SH3BGRL2: variants seen among roughly 807,000 people sequenced by gnomAD.
SH3BGRL2 encodes SH3 domain-binding glutamic acid-rich-like protein 2.
SH3BGRL2 carries 21 observed loss-of-function variants against 14.8 expected under a neutral mutation model. That is an observed-to-expected ratio of 1.42 (90% CI 1.01 to 2.05). SH3BGRL2 has a LOEUF of 2.05. Ranked by LOEUF, SH3BGRL2 falls within the 30% of genes most tolerant of loss-of-function variation. The pLI, the probability that SH3BGRL2 is intolerant of heterozygous loss-of-function variation, is 0.00. For missense variants in SH3BGRL2, 147 were observed against 130.8 expected (o/e 1.12, Z -0.61); for synonymous variants, 50 against 47.8 (o/e 1.05, Z -0.19).
chr6:79,632,164 G>A (rs761180340), intron 1 of SH3BGRL2, among the ~76,000 whole-genome samples: 2 of 151,960 alleles, frequency 1.3e-5, no homozygotes, highest in Non-Finnish European at 2.9e-5. Context: ...CTGTAATGCT[G>A]TGGAAATTTT....
At chr6:79,588,964 G>C in the SH3BGRL2 span, among the ~76,000 whole-genome samples, 1 of 151,952 alleles carries the variant, frequency 6.6e-6, no homozygotes, top group Non-Finnish European at 1.5e-5. Flanking sequence ...GTATCTCTAG[G>C]GGGTTGGTTC....
At chr6:79,688,292 C>T (rs915275938) in intron 2 of SH3BGRL2, among the ~76,000 whole-genome samples, 6 of 151,664 alleles carry the variant, frequency 4.0e-5, no homozygotes, top group Non-Finnish European at 4.4e-5. Flanking sequence ...TTAGTGAGTT[C>T]GAGTAGCTTG....
Position 79,678,222 on chromosome 6 carries a change from A to G in SH3BGRL2, c.231+4423A>G, listed in dbSNP as rs140787476. Among the ~76,000 whole-genome samples the G allele has an allele frequency of 5.4e-3, 829 of 152,296 alleles. 11 individuals carry two copies. The highest frequency in any genetic ancestry group is 0.019 in the African/African-American group (772 of 41,568). The stretch of plus-strand genomic sequence containing the variant: ...GTTCAGTAGTATTAAATGTATTTAC[A>G]TTGTTGTGAAACAGATCCCTAGAAC... On this transcript the variant is annotated intron_variant, in intron 2 of 3. Coordinates refer to ENST00000369838, the MANE Select transcript of SH3BGRL2 (RefSeq NM_031469.4).
the SH3BGRL2 span, among the ~76,000 whole-genome samples, chr6:79,604,387 G>GT: frequency 2.0e-5 from 3 of 152,138 alleles, no homozygotes; most frequent in African/African-American, 4.8e-5. Flanking sequence ...GATTTAGCTT[G>GT]TTTTTTTCTC....
chr6:79,631,894 G>A (rs995873269), intron 1 of SH3BGRL2, among the ~76,000 whole-genome samples: 1 of 152,198 alleles, frequency 6.6e-6, no homozygotes. Context: ...TGTTTTGCAC[G>A]GGAGCCTTTT....
chr6:79,665,089 A>G (rs1769630486), intron 1 of SH3BGRL2, among the ~76,000 whole-genome samples: 2 of 152,130 alleles, frequency 1.3e-5, no homozygotes, highest in African/African-American at 2.4e-5. Flanking sequence ...AGTCCCAGCT[A>G]CTCAGGAGGT....
intron 1 of SH3BGRL2, among the ~76,000 whole-genome samples, chr6:79,636,069 G>C (rs766772664): frequency 3.9e-5 from 6 of 152,194 alleles, no homozygotes; most frequent in Non-Finnish European, 8.8e-5. Flanking sequence ...ACGAATGAGA[G>C]TATAACTGGC....
intron 1 of SH3BGRL2, among the ~76,000 whole-genome samples, chr6:79,641,171 T>TGC (rs1769027215): frequency 6.6e-6 from 1 of 150,442 alleles, no homozygotes; most frequent in Non-Finnish European, 1.5e-5. Context: ...TGTGTGTGTG[T>TGC]GTGTGTGTGT....
the SH3BGRL2 span, among the ~76,000 whole-genome samples, chr6:79,614,234 A>G: frequency 1.3e-5 from 2 of 152,242 alleles, no homozygotes; most frequent in Admixed American, 6.5e-5. Context: ...CCCACTTCTC[A>G]TTCTCGTTTC....
At chr6:79,674,954 T>A (rs1562154695) in intron 2 of SH3BGRL2, among the ~76,000 whole-genome samples, 1 of 152,166 alleles carries the variant, frequency 6.6e-6, no homozygotes. Context: ...AAATGAAAAT[T>A]GTTATTTTAT....
the SH3BGRL2 span, among the ~76,000 whole-genome samples, chr6:79,575,879 G>C: frequency 6.6e-6 from 1 of 151,752 alleles, no homozygotes; most frequent in Non-Finnish European, 1.5e-5. Context: ...TGTGTTTTTA[G>C]CATCTTCCTT....
chr6:79,539,218 A>G, the SH3BGRL2 span, among the ~76,000 whole-genome samples: 1 of 152,220 alleles, frequency 6.6e-6, no homozygotes, highest in Non-Finnish European at 1.5e-5. Flanking sequence ...TTGAATTACC[A>G]TTTTAAAAGG....
intron 1 of SH3BGRL2, among the ~76,000 whole-genome samples, chr6:79,646,385 TAG>T (rs1233864781): frequency 6.6e-6 from 1 of 152,230 alleles, no homozygotes; most frequent in Non-Finnish European, 1.5e-5. Context: ...CTAATACTTC[TAG>T]AGCAGTGTAT....
chr6:79,560,095 C>A, the SH3BGRL2 span, among the ~76,000 whole-genome samples: 2 of 152,030 alleles, frequency 1.3e-5, no homozygotes, highest in Non-Finnish European at 2.9e-5. Flanking sequence ...GGAAGGGAAT[C>A]AATGTTGGGG....
At chr6:79,558,955 C>T in the SH3BGRL2 span, among the ~76,000 whole-genome samples, 1 of 152,108 alleles carries the variant, frequency 6.6e-6, no homozygotes, top group Non-Finnish European at 1.5e-5. Context: ...GAGAAGAGGA[C>T]ATGTCACAAG....
At chr6:79,553,892 C>G in the SH3BGRL2 span, among the ~76,000 whole-genome samples, 1 of 151,086 alleles carries the variant, frequency 6.6e-6, no homozygotes, top group Admixed American at 6.6e-5. Flanking sequence ...CGCTTGAACC[C>G]GGGAGGCAGA....
chr6:79,564,300 T>C, the SH3BGRL2 span, among the ~76,000 whole-genome samples: 2,065 of 152,228 alleles, frequency 0.014, 50 homozygotes, highest in African/African-American at 0.047. Context: ...CATTTGTAAA[T>C]AGAATTTAAA....
intron 1 of SH3BGRL2, among the ~76,000 whole-genome samples, chr6:79,661,046 G>A (rs751923161): frequency 7.9e-5 from 12 of 151,798 alleles, no homozygotes; most frequent in East Asian, 3.9e-4. Flanking sequence ...TATTGCTAGC[G>A]GTCTATCAGT....
the SH3BGRL2 span, among the ~76,000 whole-genome samples, chr6:79,568,500 A>C: frequency 6.6e-6 from 1 of 152,188 alleles, no homozygotes; most frequent in Non-Finnish European, 1.5e-5. Context: ...AGTTTCATGT[A>C]TATGAAATTC....
Sources: gnomAD v4.1 joint callset for allele counts (sites outside exome capture counted in the v4.1 genomes callset) on GRCh38, gnomAD v4.1.1 for gene constraint, MANE v1.5 for transcripts, NCBI Gene and HGNC (gene_info 2026-07-23, HGNC 2026-07-21) for gene names.